LY86: variants seen among roughly 807,000 people sequenced by gnomAD.
The protein encoded by LY86 is lymphocyte antigen 86, also known as MD-1, RP105-associated.
A neutral mutation model predicts 17.3 loss-of-function variants in LY86; 20 were observed. That is an observed-to-expected ratio of 1.15 (90% CI 0.81 to 1.68). The LOEUF (loss-of-function observed/expected upper bound fraction) is 1.68, where lower values mean the gene tolerates loss of function less well. LY86 is among the 40% of genes most tolerant of loss of function. The pLI is 0.00. For missense variants in LY86, 200 were observed against 191.9 expected, an observed-to-expected ratio of 1.04 and a Z score of -0.25; for synonymous variants, 74 against 70.6, an observed-to-expected ratio of 1.05 and a Z score of -0.24.
intron 2 of LY86, among the ~76,000 whole-genome samples, chr6:6,625,406 A>AT (rs1414899309): frequency 6.6e-6 from 1 of 152,210 alleles, no homozygotes; most frequent in African/African-American, 2.4e-5. Context: ...CATTTGTGTT[A>AT]TTTTGTATCC....
At chr6:6,626,468 TAAACTC>T (rs1561788579) in intron 3 of LY86, 47 bp downstream of exon 3, 1 of 1,606,004 alleles carries the variant, frequency 6.2e-7, no homozygotes. Flanking sequence ...TGCAGAGAGA[TAAACTC>T]GAACTTGCAT....
chr6:6,629,590 T>A (rs191526300), intron 3 of LY86, among the ~76,000 whole-genome samples: 41 of 152,358 alleles, frequency 2.7e-4, no homozygotes, highest in Non-Finnish European at 7.3e-5. Flanking sequence ...GTTGAGCTGT[T>A]TGGTATCATT....
chr6:6,621,931 A>G (rs1006834651), intron 1 of LY86, among the ~76,000 whole-genome samples: 11 of 152,018 alleles, frequency 7.2e-5, no homozygotes, highest in Admixed American at 4.6e-4. Context: ...AAATAAATAC[A>G]GAGAAGGATA....
intron 1 of LY86, among the ~76,000 whole-genome samples, chr6:6,610,710 T>G (rs1338021838): frequency 6.6e-6 from 1 of 152,108 alleles, no homozygotes; most frequent in Admixed American, 6.5e-5. Flanking sequence ...GTGTGTGCAT[T>G]CTCATGTGTG....
At chr6:6,588,967 G>A in intron 1 of LY86, 97 bp downstream of exon 1, 53 of 1,443,650 alleles carry the variant, frequency 3.7e-5, no homozygotes, top group Non-Finnish European at 4.9e-5. Flanking sequence ...TGGGAGGGGA[G>A]AGGGGACCAG....
chr6:6,613,648 G>A (rs1301947254), intron 1 of LY86, among the ~76,000 whole-genome samples: 1 of 152,228 alleles, frequency 6.6e-6, no homozygotes, highest in African/African-American at 2.4e-5. Flanking sequence ...CTCCCCGCAA[G>A]CTGAGGGAGC....
At chr6:6,622,329 C>A (rs1013644590) in intron 1 of LY86, among the ~76,000 whole-genome samples, 2 of 152,172 alleles carry the variant, frequency 1.3e-5, no homozygotes, top group East Asian at 1.9e-4. Context: ...CAACACAATA[C>A]GTACTTAGCC....
intron 1 of LY86, among the ~76,000 whole-genome samples, chr6:6,623,378 T>G (rs1170594205): frequency 1.3e-5 from 2 of 152,130 alleles, no homozygotes; most frequent in Non-Finnish European, 2.9e-5. Flanking sequence ...GCTGGGAAGG[T>G]GCAAGAGAGC....
At chr6:6,618,092 C>A (rs1019936968) in intron 1 of LY86, among the ~76,000 whole-genome samples, 1 of 152,214 alleles carries the variant, frequency 6.6e-6, no homozygotes, top group Non-Finnish European at 1.5e-5. Flanking sequence ...CCATCTGCCT[C>A]GGCCTCCCAA....
intron 1 of LY86, among the ~76,000 whole-genome samples, chr6:6,609,619 G>C (rs1353393927): frequency 6.6e-6 from 1 of 152,186 alleles, no homozygotes; most frequent in Non-Finnish European, 1.5e-5. Context: ...ACACAGAAAA[G>C]GAGGCTGTTT....
At chr6:6,615,022 G>A (rs1322831798) in intron 1 of LY86, among the ~76,000 whole-genome samples, 1 of 152,208 alleles carries the variant, frequency 6.6e-6, no homozygotes, top group Non-Finnish European at 1.5e-5. Context: ...TGGTTTGTAA[G>A]GAGATTTCTT....
chr6:6,648,075 A>C (rs1441892907), intron 3 of LY86, among the ~76,000 whole-genome samples: 1 of 151,774 alleles, frequency 6.6e-6, no homozygotes, highest in Non-Finnish European at 1.5e-5. Context: ...TGCTCAAACC[A>C]AAATCTTCCT....
intron 1 of LY86, among the ~76,000 whole-genome samples, chr6:6,612,008 A>AGTACTGAGCACTATGG (rs60721665): frequency 7.2e-5 from 11 of 152,130 alleles, no homozygotes; most frequent in Admixed American, 2.6e-4. Context: ...GAACACTATG[A>AGTACTGAGCACTATGG]AAATAATCTT....
intron 3 of LY86, among the ~76,000 whole-genome samples, chr6:6,644,564 A>G (rs1376054687): frequency 1.3e-5 from 2 of 151,824 alleles, no homozygotes; most frequent in Non-Finnish European, 2.9e-5. Flanking sequence ...GTCACCCAAA[A>G]CCCTTGGGAC....
chr6:6,595,436 AG>A (rs1373129199), intron 1 of LY86, among the ~76,000 whole-genome samples: 4 of 95,740 alleles, frequency 4.2e-5, no homozygotes, highest in East Asian at 6.8e-4. Flanking sequence ...AAGGGGGAGG[AG>A]GGGGGAGTGG....
chr6:6,650,340 G>GTT (rs139329401), intron 4 of LY86, among the ~76,000 whole-genome samples: 18 of 147,980 alleles, frequency 1.2e-4, no homozygotes, highest in African/African-American at 3.2e-4. Flanking sequence ...TCAGATAATG[G>GTT]TTTTTTTTTT....
chr6:6,612,452 G>A lies in LY86; in HGVS notation c.137-12474G>A, dbSNP rs148527072. Among the ~76,000 whole-genome samples, 1,229 of 152,270 alleles carry A rather than the reference G, an allele frequency of 8.1e-3. 8 individuals are homozygous for A. Among genetic ancestry groups the A allele is most frequent in the Non-Finnish European group, 0.012 (813 of 67,996 alleles). On this transcript the variant is annotated intron_variant, in intron 1 of 4. Coordinates refer to ENST00000230568, the MANE Select transcript of LY86 (RefSeq NM_004271.4). ...GAAACCGCAAACCTTCATGGGGAGT[G>A]TTACACTTCATAAAAGCAATGCAGA...
intron 3 of LY86, among the ~76,000 whole-genome samples, chr6:6,641,315 T>C (rs1286511406): frequency 6.6e-6 from 1 of 152,244 alleles, no homozygotes; most frequent in Non-Finnish European, 1.5e-5. Flanking sequence ...TTATGCACTA[T>C]TGGACACTTG....
At chr6:6,603,438 T>TA (rs1031117907) in intron 1 of LY86, among the ~76,000 whole-genome samples, 4 of 151,266 alleles carry the variant, frequency 2.6e-5, no homozygotes, top group African/African-American at 9.7e-5. Flanking sequence ...ACTTCTGTCA[T>TA]AAAAAAACTG....
Sources: allele counts gnomAD v4.1 joint callset (sites outside exome capture counted in the v4.1 genomes callset), GRCh38; gene constraint gnomAD v4.1.1; transcripts MANE v1.5; gene names NCBI Gene and HGNC (gene_info 2026-07-23, HGNC 2026-07-21).